Variants in ZNF354C observed in about 807,000 individuals in gnomAD.
ZNF354C encodes the protein KRAB-zinc finger protein synten.
In ZNF354C, 7 loss-of-function variants were observed where a neutral mutation model predicts 12.4. The ratio of observed to expected loss-of-function variants is 0.56; its 90% CI spans 0.32 to 1.06. The LOEUF is 1.06. Among genes scored for constraint, ZNF354C ranks in the 50% least tolerant of loss-of-function variants. The pLI is 0.04. For missense variants in ZNF354C, 609 were observed against 658.0 expected, an observed-to-expected ratio of 0.93 and a Z score of 0.81; for synonymous variants, 202 against 224.5, an observed-to-expected ratio of 0.90 and a Z score of 0.90.
rs767168503 is a variant in ZNF354C at position 179,080,039 on chromosome 5, G to C, written c.1607G>C (p.Ser536Thr). ...WKEYGKPFICSSSLTQYQRFF... is the reference protein window; with the variant it reads ...WKEYGKPFICTSSLTQYQRFF... ...GAATATGGGAAACCTTTCATCTGCA[G>C]CTCCTCACTTACCCAGTATCAGAGA... The change falls in exon 5 of 5, where the codon AGC (serine) becomes ACC (threonine). Residue 536 changes from serine (S) to threonine (T), a missense_variant. Physicochemically the swap from Ser to Thr is moderately conservative, Grantham distance 58. Transcript: ENST00000315475. 6.2e-7 allele frequency: 1 copy of C among 1,609,592 alleles called. No individual in the cohort carries two copies. Among genetic ancestry groups the C allele is most frequent in the African/African-American group, 1.3e-5 (1 of 74,518 alleles).
At chr5:179,077,293 G>C in intron 4 of ZNF354C, 127 bp downstream of exon 4, 1 of 712,500 alleles carries the variant, frequency 1.4e-6, no homozygotes. Flanking sequence ...GTTGTATTTT[G>C]TTTGAGTTGT....
rs1270274680 is a variant in ZNF354C, at chr5:179,073,405, T to TTCGATTTCTTTAAA, written c.28-3039_28-3026dup. 2.0e-5 allele frequency among the ~76,000 whole-genome samples: 3 copies of TTCGATTTCTTTAAA among 152,314 alleles called. No individual in the cohort carries two copies. In the East Asian group the frequency reaches 5.8e-4, roughly 29 times the overall value. On this transcript the variant is annotated intron_variant, in intron 2 of 4. Coordinates refer to ENST00000315475, the MANE Select transcript of ZNF354C (RefSeq NM_014594.3). ...ATAAATATAAAATACTTTTTTTCCT[T>TTCGATTTCTTTAAA]TCGATTTCTTTAAAGTGCAGCTGAT...
intron 4 of ZNF354C, among the ~76,000 whole-genome samples, chr5:179,077,585 A>G (rs1049772405): frequency 6.6e-6 from 1 of 152,170 alleles, no homozygotes; most frequent in Admixed American, 6.5e-5. Flanking sequence ...AGAAATGAAT[A>G]TGTCTCTCTT....
At position 179,077,124 on chromosome 5, in the gene ZNF354C, C is replaced by T; in HGVS notation, c.208C>T (p.Pro70Ser). 3.1e-6 allele frequency: 5 copies of T among 1,614,134 alleles called. No individual in the cohort carries two copies. The South Asian group carries it at 4.4e-5, about 14-fold the overall frequency. The stretch of plus-strand genomic sequence containing the variant: ...TCATCAGTTGCAGCAAGGAGAAGAT[C>T]CCTGCATGGTGGAAAGAGAAGTCCC... ...LIHQLQQGEDPCMVEREVPSD... is the reference protein window; with the variant it reads ...LIHQLQQGEDSCMVEREVPSD... Residue 70 changes from proline (P) to serine (S), a missense_variant, in exon 4 of 5, where the codon CCC becomes TCC. Transcript: ENST00000315475.
At chr5:179,067,778 G>A (rs1761977213) in intron 2 of ZNF354C, among the ~76,000 whole-genome samples, 1 of 152,152 alleles carries the variant, frequency 6.6e-6, no homozygotes, top group Admixed American at 6.5e-5. Context: ...AACCTGGGAG[G>A]CAGAGGTTGC....
rs1274383332 is a variant in ZNF354C, at chr5:179,078,007, A to G, written c.251-676A>G. ...TTTTTGGTAGAGACGGGGTTTCACC[A>G]TGTTCTCCAGGCTGGTCTCAAACTC... On this transcript the variant is annotated intron_variant, in intron 4 of 4. Transcript: ENST00000315475. Among the ~76,000 whole-genome samples the G allele has an allele frequency of 3.3e-5, 5 of 151,792 alleles. No individual in the cohort carries two copies. The East Asian group carries it at 9.7e-4, about 29-fold the overall frequency.
chr5:179,068,757 T>C (rs900413399), intron 2 of ZNF354C, among the ~76,000 whole-genome samples: 2 of 152,234 alleles, frequency 1.3e-5, no homozygotes, highest in African/African-American at 2.4e-5. Flanking sequence ...CAGGGCACCA[T>C]AGCAAAATAC....
chr5:179,082,526 G>T lies in ZNF354C; in HGVS notation c.*2429G>T. 1 of 647,330 alleles carries T rather than the reference G, an allele frequency of 1.5e-6. No individual in the cohort carries two copies. The allele number at this position is 647,330 out of a possible 1,614,324, so 40.1% of individuals were successfully genotyped here. On this transcript the variant is annotated 3_prime_UTR_variant, in exon 5 of 5. Transcript: ENST00000315475. ...AAATTTATTTTTTTAAACATAACAC[G>T]AGGAAGCTGTTAAAACTGGTGTAAT...
chr5:179,073,270 T>C (rs1167457015), intron 2 of ZNF354C, among the ~76,000 whole-genome samples: 1 of 152,184 alleles, frequency 6.6e-6, no homozygotes, highest in Admixed American at 6.5e-5. Context: ...AGCAGGCCTG[T>C]ACTATAAGAT....
chr5:179,066,208 C>G (rs1452076880), intron 2 of ZNF354C, among the ~76,000 whole-genome samples: 1 of 152,156 alleles, frequency 6.6e-6, no homozygotes, highest in African/African-American at 2.4e-5. Flanking sequence ...CTATAGTTTT[C>G]AATATAAATT....
chr5:179,066,002 C>G (rs774535481), intron 2 of ZNF354C, among the ~76,000 whole-genome samples: 1 of 152,166 alleles, frequency 6.6e-6, no homozygotes, highest in African/African-American at 2.4e-5. Flanking sequence ...CCCACACTTA[C>G]GGCCTGGCAA....
intron 2 of ZNF354C, among the ~76,000 whole-genome samples, chr5:179,065,148 T>C (rs1050565296): frequency 6.6e-6 from 1 of 152,194 alleles, no homozygotes; most frequent in Non-Finnish European, 1.5e-5. Context: ...CTTCCCGTTA[T>C]TCCCTACATT....
chr5:179,082,146 TAAGGAACTTTGTTTAC>T lies in ZNF354C; in HGVS notation c.*2054_*2069del, dbSNP rs1177443317. 6.6e-6 allele frequency: 1 copy of T among 152,366 alleles called. No individual in the cohort carries two copies. The highest frequency in any genetic ancestry group is 2.4e-5 in the African/African-American group (1 of 41,470). 9.4% of individuals were successfully genotyped at this position (152,366 alleles called of 1,614,324 possible). On this transcript the variant is annotated 3_prime_UTR_variant, in exon 5 of 5. Coordinates refer to ENST00000315475, the MANE Select transcript of ZNF354C (RefSeq NM_014594.3). ...AAAACCCATTAAGTGGAAAAAATTT[TAAGGAACTTTGTTTAC>T]AAGGTGTCAGAACATCACAGATATC...
At position 179,078,593 on chromosome 5, in the gene ZNF354C, A is replaced by G. The variant is rs753602944; in HGVS notation, c.251-90A>G. 2.0e-5 allele frequency: 20 copies of G among 977,272 alleles called. No homozygotes were observed. The African/African-American group carries it at 2.8e-4, about 14-fold the overall frequency. 60.5% of individuals were successfully genotyped at this position (977,272 alleles called of 1,614,324 possible). On this transcript the variant is annotated intron_variant, in intron 4 of 4. Coordinates refer to ENST00000315475, the MANE Select transcript of ZNF354C (RefSeq NM_014594.3). The stretch of plus-strand genomic sequence containing the variant: ...AATCTGATTGTATCACTCTTCTTTC[A>G]TATATACTGTTACCAGTTTTTTTGT...
intron 2 of ZNF354C, among the ~76,000 whole-genome samples, chr5:179,071,274 G>A (rs1359926098): frequency 6.6e-6 from 1 of 151,894 alleles, no homozygotes. Context: ...GAGAACAACT[G>A]GATGAGATGA....
intron 2 of ZNF354C, 127 bp from the exon 3 acceptor site, chr5:179,076,318 T>A: frequency 7.0e-7 from 1 of 1,424,980 alleles, no homozygotes; most frequent in Non-Finnish European, 9.6e-7. Context: ...TTCCAAAAAT[T>A]ACGTAAACAG....
intron 2 of ZNF354C, among the ~76,000 whole-genome samples, chr5:179,065,084 T>TA (rs1761943459): frequency 6.6e-6 from 1 of 152,212 alleles, no homozygotes; most frequent in African/African-American, 2.4e-5. Flanking sequence ...TTATTTTTTT[T>TA]ACAACAATTT....
chr5:179,069,561 CAA>C (rs761235131), intron 2 of ZNF354C, among the ~76,000 whole-genome samples: 7 of 77,588 alleles, frequency 9.0e-5, no homozygotes, highest in Admixed American at 1.5e-4. Flanking sequence ...GACTCCATCT[CAA>C]AAAAAAAAAA....
chr5:179,070,065 C>T (rs1359468449), intron 2 of ZNF354C, among the ~76,000 whole-genome samples: 1 of 152,092 alleles, frequency 6.6e-6, no homozygotes, highest in African/African-American at 2.4e-5. Flanking sequence ...AGGAACCAGG[C>T]GGTACAGCAG....
Sources: allele counts gnomAD v4.1 joint callset (sites outside exome capture counted in the v4.1 genomes callset), GRCh38; gene constraint gnomAD v4.1.1; transcripts MANE v1.5; gene names NCBI Gene and HGNC (gene_info 2026-07-23, HGNC 2026-07-21).